SULF2: variants seen among roughly 807,000 people sequenced by gnomAD.
The protein encoded by SULF2 is sulfatase 2.
Under a neutral mutation model 107.7 loss-of-function variants are expected in SULF2, and 52 were observed. The observed-to-expected ratio is 0.48, with a 90% CI of 0.39 to 0.61. SULF2 has a LOEUF of 0.61. Among genes scored for constraint, SULF2 ranks in the 20% least tolerant of loss-of-function variants. The pLI is 0.00. For missense variants in SULF2, 993 were observed against 1,177.3 expected, an observed-to-expected ratio of 0.84 and a Z score of 2.29; for synonymous variants, 460 against 464.3, an observed-to-expected ratio of 0.99 and a Z score of 0.12.
At chr20:47,692,762 A>G (rs1179485767) in intron 4 of SULF2, among the ~76,000 whole-genome samples, 2 of 152,208 alleles carry the variant, frequency 1.3e-5, no homozygotes, top group Non-Finnish European at 2.9e-5. Flanking sequence ...GCATGAGCCA[A>G]CACACCTGGT....
At chr20:47,723,482 A>T (rs917237932) in intron 3 of SULF2, among the ~76,000 whole-genome samples, 1 of 152,200 alleles carries the variant, frequency 6.6e-6, no homozygotes. Context: ...GTAGACAGGT[A>T]GCGGTCTGTG....
At chr20:47,724,278 A>C (rs1280132616) in intron 3 of SULF2, among the ~76,000 whole-genome samples, 1 of 152,204 alleles carries the variant, frequency 6.6e-6, no homozygotes, top group Non-Finnish European at 1.5e-5. Context: ...GTTGCTGGGG[A>C]CAAACAGGGA....
chr20:47,688,556 G>A (rs1352253210), intron 5 of SULF2, among the ~76,000 whole-genome samples: 1 of 152,212 alleles, frequency 6.6e-6, no homozygotes, highest in African/African-American at 2.4e-5. Context: ...TTCTCCCTTA[G>A]ACAGGGCTGA....
At chr20:47,762,740 G>C (rs1430067440) in intron 1 of SULF2, among the ~76,000 whole-genome samples, 1 of 152,220 alleles carries the variant, frequency 6.6e-6, no homozygotes, top group South Asian at 2.1e-4. Flanking sequence ...GGGAGCCCTG[G>C]GCTGGGTAAA....
chr20:47,671,880 A>C (rs1305965758), intron 11 of SULF2, among the ~76,000 whole-genome samples: 1 of 150,380 alleles, frequency 6.6e-6, no homozygotes, highest in Non-Finnish European at 1.5e-5. Context: ...ACATCTGGCT[A>C]ATTGTTGTAT....
chr20:47,680,637 G>C lies in SULF2; in HGVS notation c.1065-1833C>G, dbSNP rs567136368. Among the ~76,000 whole-genome samples the C allele has an allele frequency of 6.6e-6, 1 of 152,376 alleles. No individual in the cohort carries two copies. Among genetic ancestry groups the C allele is most frequent in the Non-Finnish European group, 1.5e-5 (1 of 68,036 alleles). ...GAACGTCGGGCAGGCTGCCAAGCAT[G>C]TGTGCAGCTGCTGAAGATGGGGCTG... On this transcript the variant is annotated intron_variant, in intron 7 of 20. Transcript: ENST00000688720. This position sits in a 1 kb window ranked among gnomAD's most constrained non-coding sequence, Gnocchi z 4.2.
intron 11 of SULF2, among the ~76,000 whole-genome samples, chr20:47,667,993 C>A (rs190358387): frequency 6.6e-6 from 1 of 152,362 alleles, no homozygotes; most frequent in East Asian, 1.9e-4. Flanking sequence ...TCCAGCAGAG[C>A]CTTGGGCCTT....
intron 2 of SULF2, among the ~76,000 whole-genome samples, chr20:47,746,043 C>T: frequency 6.6e-6 from 1 of 152,206 alleles, no homozygotes; most frequent in Non-Finnish European, 1.5e-5. Flanking sequence ...TTTGATGGGC[C>T]CACAGTGGGC....
At chr20:47,710,845 G>A (rs1024070745) in intron 3 of SULF2, among the ~76,000 whole-genome samples, 5 of 152,120 alleles carry the variant, frequency 3.3e-5, no homozygotes, top group African/African-American at 9.7e-5. Context: ...GGCTCCACGC[G>A]GCTGCTTCCC....
chr20:47,724,251 G>A (rs537237972), intron 3 of SULF2, among the ~76,000 whole-genome samples: 58 of 152,356 alleles, frequency 3.8e-4, no homozygotes, highest in Non-Finnish European at 5.9e-4. Flanking sequence ...GCTGTGGGTG[G>A]GGAGAAGGAA....
chr20:47,746,549 T>G (rs1259798430), intron 2 of SULF2, among the ~76,000 whole-genome samples: 3 of 152,196 alleles, frequency 2.0e-5, no homozygotes, highest in Admixed American at 2.0e-4. Context: ...TGCAGCAGGC[T>G]GGGCTCCATC....
At chr20:47,715,179 C>T (rs1282566424) in intron 3 of SULF2, among the ~76,000 whole-genome samples, 2 of 151,314 alleles carry the variant, frequency 1.3e-5, no homozygotes, top group Admixed American at 6.6e-5. Context: ...GATCTGCCCA[C>T]CTTGGCCTCT....
intron 1 of SULF2, among the ~76,000 whole-genome samples, chr20:47,773,561 C>G (rs1460924978): frequency 6.6e-6 from 1 of 152,244 alleles, no homozygotes; most frequent in Non-Finnish European, 1.5e-5. Flanking sequence ...GCAGGCCACA[C>G]CCGCTGTCCT....
rs74935227 is a variant in SULF2, at chr20:47,690,924, G to A, written c.568-629C>T. ...ATAGCTAACACTATTGAGTGCTTAC[G>A]ATGTGCCAAGGACTGTTCTGTGTTT... is the stretch of plus-strand genomic sequence containing the variant. On this transcript the variant is annotated intron_variant, in intron 4 of 20. Coordinates refer to ENST00000688720, the MANE Select transcript of SULF2 (RefSeq NM_001387048.1). 1.9e-3 allele frequency among the ~76,000 whole-genome samples: 285 copies of A among 151,616 alleles called. 2 individuals are homozygous for A. Among genetic ancestry groups the A allele is most frequent in the African/African-American group, 6.5e-3 (270 of 41,380 alleles).
At chr20:47,754,740 G>A (rs1488242684) in intron 2 of SULF2, among the ~76,000 whole-genome samples, 2 of 152,162 alleles carry the variant, frequency 1.3e-5, no homozygotes, top group African/African-American at 2.4e-5. Flanking sequence ...ACTAACAAAC[G>A]CACACGCTAC....
chr20:47,676,454 C>T (rs759760440), intron 10 of SULF2, 40 bp downstream of exon 10: 8 of 1,594,264 alleles, frequency 5.0e-6, no homozygotes, highest in South Asian at 4.5e-5. Flanking sequence ...CGGCTGCAGT[C>T]AGGAGGGGGA....
At chr20:47,751,585 A>G (rs933118363) in intron 2 of SULF2, among the ~76,000 whole-genome samples, 5 of 152,164 alleles carry the variant, frequency 3.3e-5, no homozygotes, top group African/African-American at 9.7e-5. Context: ...CTGAGAGTAA[A>G]GCCAACTTGG....
intron 4 of SULF2, among the ~76,000 whole-genome samples, chr20:47,699,107 C>T (rs188246683): frequency 6.6e-6 from 1 of 152,136 alleles, no homozygotes; most frequent in East Asian, 1.9e-4. Context: ...CTGGGGATGA[C>T]AAAATAGACG....
chr20:47,711,280 T>C (rs1398367134), intron 3 of SULF2, among the ~76,000 whole-genome samples: 1 of 152,214 alleles, frequency 6.6e-6, no homozygotes, highest in Non-Finnish European at 1.5e-5. Context: ...AGTCAGACTG[T>C]CTGGGTTTGA....
Sources: allele counts gnomAD v4.1 joint callset (sites outside exome capture counted in the v4.1 genomes callset), GRCh38; gene constraint gnomAD v4.1.1; non-coding constraint Gnocchi (gnomAD v3.1); transcripts MANE v1.5; gene names NCBI Gene and HGNC (gene_info 2026-07-23, HGNC 2026-07-21).